PLEKHO1: variants seen among roughly 807,000 people sequenced by gnomAD.
The protein encoded by PLEKHO1 is pleckstrin homology domain-containing family O member 1.
PLEKHO1 carries 22 observed loss-of-function variants against 41.4 expected under a neutral mutation model. The ratio of observed to expected loss-of-function variants is 0.53; its 90% CI spans 0.38 to 0.76. The LOEUF is 0.76. PLEKHO1 is among the 30% of genes least tolerant of loss of function. The pLI is 0.00. For synonymous variants in PLEKHO1, 225 were observed against 210.8 expected (o/e 1.07, Z -0.58); for missense variants, 488 against 518.3 (o/e 0.94, Z 0.57).
chr1:150,158,896 C>G lies in PLEKHO1; in HGVS notation c.603C>G (p.Thr201=). The G allele has an allele frequency of 1.9e-6, 3 of 1,614,198 alleles. No individual in the cohort carries two copies. Among genetic ancestry groups the G allele is most frequent in the Non-Finnish European group, 2.5e-6 (3 of 1,180,026 alleles). ...AAGACCCTTCCCCTGAGGAACCAAC[C>G]TCTTGTGCTGAGAGCTTTCGGGTTG... ...QEEDPSPEEP[T]SCAESFRVDL... is the part of the protein sequence containing the mutation. The change falls in exon 6 of 6, where the codon ACC becomes ACG. Residue 201 remains threonine, a synonymous_variant. Transcript: ENST00000369124.
intron 1 of PLEKHO1, among the ~76,000 whole-genome samples, 156 bp downstream of exon 1, chr1:150,150,443 G>T (rs1659850780): frequency 6.6e-6 from 1 of 150,516 alleles, no homozygotes; most frequent in African/African-American, 2.4e-5. Context: ...AGGCGCCCGC[G>T]GGGGCTTTTG....
intron 5 of PLEKHO1, 35 bp downstream of exon 5, chr1:150,157,521 C>A: frequency 7.1e-7 from 1 of 1,417,990 alleles, no homozygotes; most frequent in Non-Finnish European, 1.0e-6. Flanking sequence ...GCCAAAGGGC[C>A]AATTCTGTGT....
chr1:150,155,107 C>G (rs954105931), intron 2 of PLEKHO1: 1 of 152,370 alleles, frequency 6.6e-6, no homozygotes, highest in Admixed American at 6.5e-5. Flanking sequence ...ATGAGACGTT[C>G]AGCAGGAGTG....
In PLEKHO1 at chr1:150,156,022, C is replaced by A. The variant is rs201329985; in HGVS notation, c.178-44C>A. 5.9e-5 allele frequency: 93 copies of A among 1,572,282 alleles called. No individual in the cohort carries two copies. In the Middle Eastern group the frequency reaches 1.0e-3, roughly 17 times the overall value. Reference sequence around the variant, plus strand: ...TAAACTAACAGTCTGGGTGGAGGGGCTAAATAATTTTATCCTCCTCACCTC... The same window carrying A: ...TAAACTAACAGTCTGGGTGGAGGGGATAAATAATTTTATCCTCCTCACCTC... On this transcript the variant is annotated intron_variant, in intron 2 of 5. Transcript: ENST00000369124.
intron 5 of PLEKHO1, 113 bp from the exon 6 acceptor site, chr1:150,158,706 C>A: frequency 1.3e-6 from 1 of 761,314 alleles, no homozygotes; most frequent in Non-Finnish European, 2.2e-6. Flanking sequence ...AAGTACTTCT[C>A]ATTCAAGGAA....
In PLEKHO1 at chr1:150,156,197, C is replaced by A; in HGVS notation, c.309C>A (p.Pro103=). 6.2e-7 allele frequency: 1 copy of A among 1,613,392 alleles called. No individual in the cohort carries two copies. The highest frequency in any genetic ancestry group is 1.1e-5 in the South Asian group (1 of 90,982). ...TTACTCTTGCCCACTCCAAACAGCC[C>A]GGTAACACGGTATGTTTCTCCTGCC... The part of the protein sequence containing the change: ...SKFTLAHSKQ[P]GNTAPNLIFL... The change falls in exon 3 of 6, where the codon CCC becomes CCA. Residue 103 remains proline, a synonymous_variant. Coordinates refer to ENST00000369124, the MANE Select transcript of PLEKHO1 (RefSeq NM_016274.6).
Position 150,159,285 on chromosome 1 carries a change from A to AT in PLEKHO1, c.993dup (p.Gly332TrpfsTer16). ...CTGGCAGAGGTTCAGGGACTGGGAG[A>AT]TGGGAAGCGAAAGGCCAAGGACCCC... On this transcript the variant is annotated frameshift_variant, in exon 6 of 6. Coordinates refer to ENST00000369124, the MANE Select transcript of PLEKHO1 (RefSeq NM_016274.6). LOFTEE classifies it high-confidence loss of function. 6.2e-7 allele frequency: 1 copy of AT among 1,614,064 alleles called. No homozygotes were observed. The highest frequency in any genetic ancestry group is 8.5e-7 in the Non-Finnish European group (1 of 1,179,980).
intron 1 of PLEKHO1, 120 bp from the exon 2 acceptor site, chr1:150,150,792 G>GC: frequency 1.0e-5 from 9 of 884,864 alleles, no homozygotes; most frequent in East Asian, 2.6e-5. Context: ...GCGGCCCCCC[G>GC]CCCCCCGGCC....
rs1660340381 is a variant in PLEKHO1 at position 150,159,439 on chromosome 1, G to A, written c.1146G>A (p.Leu382=). Reference sequence around the variant, plus strand: ...AGGAGGTCAGGGAGCTGAGAGACCTGTACAGACAGATGGACCTGCAGACCC... The same window carrying A: ...AGGAGGTCAGGGAGCTGAGAGACCTATACAGACAGATGGACCTGCAGACCC... ...VLQEVRELRD[L]YRQMDLQTPD... Residue 382 remains leucine, a synonymous_variant, in exon 6 of 6, where the codon CTG becomes CTA. Coordinates refer to ENST00000369124, the MANE Select transcript of PLEKHO1 (RefSeq NM_016274.6). The A allele has an allele frequency of 6.2e-7, 1 of 1,614,080 alleles. No homozygotes were observed. Among genetic ancestry groups the A allele is most frequent in the Non-Finnish European group, 8.5e-7 (1 of 1,179,998 alleles).
chr1:150,156,720 A>G (rs1660186066), intron 3 of PLEKHO1, among the ~76,000 whole-genome samples, 191 bp from the exon 4 acceptor site: 2 of 152,018 alleles, frequency 1.3e-5, no homozygotes, highest in African/African-American at 4.8e-5. Context: ...TTCTAAAACA[A>G]CCTCCTAGCT....
intron 2 of PLEKHO1, among the ~76,000 whole-genome samples, chr1:150,152,240 G>A (rs376299012): frequency 2.6e-5 from 4 of 152,196 alleles, no homozygotes; most frequent in African/African-American, 9.7e-5. Flanking sequence ...CAGCCAAAGA[G>A]ATCCCTCTTA....
Position 150,159,131 on chromosome 1 carries a change from G to T in PLEKHO1, c.838G>T (p.Asp280Tyr), listed in dbSNP as rs1377758788. The change falls in exon 6 of 6, where the codon GAT becomes TAT. Residue 280 changes from aspartate (D) to tyrosine (Y), a missense_variant. This residue lies in a region of PLEKHO1 where 337 missense variants were observed against 324.6 expected (regional missense o/e 1.04). Transcript: ENST00000369124. ...ASLEEILSQRDAASARTLQLR... is the reference protein window; with the variant it reads ...ASLEEILSQRYAASARTLQLR... Reference sequence around the variant, plus strand: ...CCTGGAGGAGATCCTATCTCAGCGGGATGCTGCCTCTGCCCGCACCCTCCA... The same window carrying T: ...CCTGGAGGAGATCCTATCTCAGCGGTATGCTGCCTCTGCCCGCACCCTCCA... The T allele has an allele frequency of 6.2e-7, 1 of 1,612,252 alleles. No homozygotes were observed. Among genetic ancestry groups the T allele is most frequent in the Admixed American group, 1.7e-5 (1 of 59,592 alleles).
At position 150,150,248 on chromosome 1, in the gene PLEKHO1, C is replaced by T. The variant is rs1371841574; in HGVS notation, c.-10C>T. On this transcript the variant is annotated 5_prime_UTR_variant, in exon 1 of 6. Transcript: ENST00000369124. ...CTCGGCTCGCCGCCCCGCGCCCGCG[C>T]CCGCTGGGAATGATGAAGAAGAACA... The T allele has an allele frequency of 2.4e-5, 26 of 1,090,758 alleles. No individual in the cohort carries two copies. The Admixed American group carries it at 3.9e-4, about 16-fold the overall frequency. The allele number at this position is 1,090,758 out of a possible 1,614,324, so 67.6% of individuals were successfully genotyped here.
intron 1 of PLEKHO1, chr1:150,150,652 C>G: frequency 2.2e-6 from 1 of 459,536 alleles, no homozygotes; most frequent in East Asian, 4.2e-5. Flanking sequence ...TGGAGGGAAC[C>G]TGGGAGCCTC....
intron 1 of PLEKHO1, chr1:150,150,658 G>T: frequency 2.1e-6 from 1 of 468,002 alleles, no homozygotes; most frequent in East Asian, 4.1e-5. Context: ...GAACCTGGGA[G>T]CCTCTCCGCG....
At chr1:150,150,811 C>A (rs1048664887) in intron 1 of PLEKHO1, 101 bp from the exon 2 acceptor site, 1 of 1,143,028 alleles carries the variant, frequency 8.7e-7, no homozygotes, top group Non-Finnish European at 1.3e-6. Context: ...CCGCAGCCTT[C>A]GGAGGAGACT....
At chr1:150,153,032 AAG>A (rs2101685292) in intron 2 of PLEKHO1, 1 of 152,370 alleles carries the variant, frequency 6.6e-6, no homozygotes, top group East Asian at 1.9e-4. Context: ...GGGCACAGGA[AAG>A]AGGGACTAGG....
chr1:150,156,787 C>T, intron 3 of PLEKHO1, 124 bp from the exon 4 acceptor site: 2 of 677,824 alleles, frequency 3.0e-6, no homozygotes, highest in South Asian at 1.6e-5. Flanking sequence ...ACTCTGGAAG[C>T]AGAATATCTC....
chr1:150,153,353 A>G (rs1553819579), intron 2 of PLEKHO1: 2 of 152,072 alleles, frequency 1.3e-5, no homozygotes, highest in Admixed American at 6.5e-5. Context: ...ACACCCAGCT[A>G]ATTTTTTTTA....
Sources: gnomAD v4.1 joint callset for allele counts (sites outside exome capture counted in the v4.1 genomes callset) on GRCh38, gnomAD v4.1.1 for gene constraint, gnomAD v4.1.1 regional missense constraint, MANE v1.5 for transcripts, NCBI Gene and HGNC (gene_info 2026-07-23, HGNC 2026-07-21) for gene names.